Variants in ZNF865 observed in about 807,000 individuals in gnomAD.
ZNF865 encodes the protein zinc finger protein 865.
For synonymous variants in ZNF865, 763 were observed against 750.8 expected, an observed-to-expected ratio of 1.02 and a Z score of -0.27; for missense variants, 1,311 against 1,593.4, an observed-to-expected ratio of 0.82 and a Z score of 3.02.
intron 1 of ZNF865, among the ~76,000 whole-genome samples, chr19:55,613,313 G>A (rs1326074851): frequency 6.6e-6 from 1 of 152,130 alleles, no homozygotes; most frequent in African/African-American, 2.4e-5. Flanking sequence ...AGAAAAGATG[G>A]GGAGAGATGG....
Position 55,616,696 on chromosome 19 carries a change from C to T in ZNF865, c.3078C>T (p.Phe1026=), listed in dbSNP as rs981201490. The T allele has an allele frequency of 2.6e-6, 4 of 1,529,146 alleles. No individual in the cohort carries two copies. The highest frequency in any genetic ancestry group is 3.5e-6 in the Non-Finnish European group (4 of 1,144,006). The allele number at this position is 1,529,146 out of a possible 1,614,324, so 94.7% of individuals were successfully genotyped here. A position where few individuals can be genotyped will look rare whatever the true frequency, so the allele number is the denominator to read the frequency against. The change falls in exon 2 of 2, where the codon TTC becomes TTT. Residue 1026 remains phenylalanine, a synonymous_variant. Coordinates refer to ENST00000568956, the MANE Select transcript of ZNF865 (RefSeq NM_001195605.2). The part of the protein sequence containing the change: ...PFRCSSCGEG[F]ANTYGLKKHR... ...GCTGCTCCTCCTGCGGCGAGGGCTTCGCCAACACCTACGGCCTCAAGAAAC... is the reference window on the plus strand; with the variant it reads ...GCTGCTCCTCCTGCGGCGAGGGCTTTGCCAACACCTACGGCCTCAAGAAAC...
In ZNF865 at chr19:55,613,649, G is replaced by A. The variant is rs1384102577; in HGVS notation, c.31G>A (p.Gly11Arg). 2 of 1,525,606 alleles carry A rather than the reference G, an allele frequency of 1.3e-6. No homozygotes were observed. Among genetic ancestry groups the A allele is most frequent in the Non-Finnish European group, 1.8e-6 (2 of 1,141,906 alleles). The allele number at this position is 1,525,606 out of a possible 1,614,324, so 94.5% of individuals were successfully genotyped here. A position where few individuals can be genotyped will look rare whatever the true frequency, so the allele number is the denominator to read the frequency against. The change falls in exon 2 of 2, where the codon GGG (glycine) becomes AGG (arginine). Residue 11 changes from glycine to arginine, a missense_variant. Physicochemically the swap from Gly to Arg is moderately radical, Grantham distance 125. Transcript: ENST00000568956. Reference protein sequence around the residue: MEANPAGSGAGGGGSSGIGGE... With the variant: MEANPAGSGARGGGSSGIGGE... ...GGCGAACCCAGCGGGCAGCGGCGCC[G>A]GGGGTGGCGGGAGCAGCGGCATCGG...
At position 55,611,364 on chromosome 19, in the gene ZNF865, A is replaced by C. The variant is rs933269882; in HGVS notation, c.-26-2229A>C. 5.3e-5 allele frequency among the ~76,000 whole-genome samples: 8 copies of C among 151,908 alleles called. No individual in the cohort carries two copies. Among genetic ancestry groups the C allele is most frequent in the African/African-American group, 1.9e-4 (8 of 41,330 alleles). On this transcript the variant is annotated intron_variant, in intron 1 of 1. Transcript: ENST00000568956. This position sits in a 1 kb window ranked among gnomAD's most constrained non-coding sequence, Gnocchi z 4.5. ...TGCCCTCCCTCCCCATAGCGCCCTA[A>C]ATCACCCCCTATTCCCTGCATCCTT...
intron 1 of ZNF865, among the ~76,000 whole-genome samples, chr19:55,609,799 G>GGGGT (rs897236280): frequency 6.6e-6 from 1 of 152,186 alleles, no homozygotes; most frequent in African/African-American, 2.4e-5. Flanking sequence ...TGGTGGTGGA[G>GGGGT]GGGTGGGTCC....
At position 55,615,541 on chromosome 19, in the gene ZNF865, C is replaced by T; in HGVS notation, c.1923C>T (p.Gly641=). 1 of 1,508,850 alleles carries T rather than the reference C, an allele frequency of 6.6e-7. No homozygotes were observed. The highest frequency in any genetic ancestry group is 8.8e-7 in the Non-Finnish European group (1 of 1,134,744). The allele number at this position is 1,508,850 out of a possible 1,614,324, so 93.5% of individuals were successfully genotyped here. A position where few individuals can be genotyped will look rare whatever the true frequency, so the allele number is the denominator to read the frequency against. Residue 641 remains glycine, a synonymous_variant, in exon 2 of 2, where the codon GGC becomes GGT. Transcript: ENST00000568956. ...QLPCALAGAA[G]LPSTQGTPGA... Reference sequence around the variant, plus strand: ...CCTGCGCCCTGGCCGGGGCAGCCGGCCTCCCCTCCACCCAAGGCACACCGG... The same window carrying T: ...CCTGCGCCCTGGCCGGGGCAGCCGGTCTCCCCTCCACCCAAGGCACACCGG...
Position 55,616,705 on chromosome 19 carries a change from C to G in ZNF865, c.3087C>G (p.Thr1029=), listed in dbSNP as rs1981373175. The G allele has an allele frequency of 2.0e-6, 3 of 1,526,100 alleles. No individual in the cohort carries two copies. Among genetic ancestry groups the G allele is most frequent in the Non-Finnish European group, 2.6e-6 (3 of 1,142,386 alleles). The allele number at this position is 1,526,100 out of a possible 1,614,324, so 94.5% of individuals were successfully genotyped here. The change falls in exon 2 of 2, where the codon ACC becomes ACG. Residue 1029 remains threonine (T), a synonymous_variant. Transcript: ENST00000568956. ...CSSCGEGFAN[T]YGLKKHRLAH... ...CCTGCGGCGAGGGCTTCGCCAACAC[C>G]TACGGCCTCAAGAAACACCGCCTGG...
At position 55,614,540 on chromosome 19, in the gene ZNF865, G is replaced by A. The variant is rs1981273002; in HGVS notation, c.922G>A (p.Ala308Thr). The A allele has an allele frequency of 2.9e-6, 4 of 1,369,660 alleles. No individual in the cohort carries two copies. Among genetic ancestry groups the A allele is most frequent in the South Asian group, 1.5e-5 (1 of 64,742 alleles). The allele number at this position is 1,369,660 out of a possible 1,614,324, so 84.8% of individuals were successfully genotyped here. A position where few individuals can be genotyped will look rare whatever the true frequency, so the allele number is the denominator to read the frequency against. Reference protein sequence around the residue: ...APAASAATAAAPSTVSSGPPA... With the variant: ...APAASAATAATPSTVSSGPPA... The stretch of plus-strand genomic sequence containing the variant: ...CGCTGCCAGCGCCGCCACCGCCGCC[G>A]CCCCCTCCACGGTGTCCTCGGGCCC... Residue 308 changes from alanine (A) to threonine (T), a missense_variant, in exon 2 of 2, where the codon GCC becomes ACC. Ala to Thr is a moderately conservative substitution (Grantham distance 58). Transcript: ENST00000568956. The surrounding 1 kb of genome is among the most constrained non-coding windows in gnomAD (Gnocchi z 8.0).
chr19:55,610,135 C>A (rs1045986151), intron 1 of ZNF865, among the ~76,000 whole-genome samples: 1 of 152,180 alleles, frequency 6.6e-6, no homozygotes, highest in African/African-American at 2.4e-5. Context: ...TTGTTCATTC[C>A]ACAAATACCA....
At chr19:55,612,275 C>T (rs536904008) in intron 1 of ZNF865, among the ~76,000 whole-genome samples, 2 of 152,292 alleles carry the variant, frequency 1.3e-5, no homozygotes, top group African/African-American at 4.8e-5. Flanking sequence ...CAGGTCTGTC[C>T]AAGCCCAGGG....
chr19:55,607,415 C>T (rs1307833946), intron 1 of ZNF865, among the ~76,000 whole-genome samples: 6 of 118,098 alleles, frequency 5.1e-5, no homozygotes, highest in African/African-American at 2.0e-4. Flanking sequence ...ACCTCGGCAA[C>T]ATAGTGAGAC....
chr19:55,615,043 C>CG lies in ZNF865; in HGVS notation c.1429dup (p.Ala477GlyfsTer93). 7.8e-7 allele frequency: 1 copy of CG among 1,277,716 alleles called. No homozygotes were observed. The highest frequency in any genetic ancestry group is 9.9e-7 in the Non-Finnish European group (1 of 1,012,852). 79.1% of individuals were successfully genotyped at this position (1,277,716 alleles called of 1,614,324 possible). On this transcript the variant is annotated frameshift_variant, in exon 2 of 2. Coordinates refer to ENST00000568956, the MANE Select transcript of ZNF865 (RefSeq NM_001195605.2). LOFTEE classifies it low-confidence loss of function (END_TRUNC). ...CTGCCGCTGCGGAGGCGCCCAAGGA[C>CG]GGGGCGGCCTCGGCCCCGCAGCCCC...
intron 1 of ZNF865, among the ~76,000 whole-genome samples, chr19:55,609,551 A>G (rs1406984352): frequency 6.6e-6 from 1 of 152,226 alleles, no homozygotes; most frequent in African/African-American, 2.4e-5. Flanking sequence ...TTGCAGCAGA[A>G]CGGCCCACAG....
rs1315868714 is a variant in ZNF865, at chr19:55,615,211, C to T, written c.1593C>T (p.Gly531=). 2 of 1,451,972 alleles carry T rather than the reference C, an allele frequency of 1.4e-6. No individual in the cohort carries two copies. Among genetic ancestry groups the T allele is most frequent in the South Asian group, 1.4e-5 (1 of 72,230 alleles). The allele number at this position is 1,451,972 out of a possible 1,614,324, so 89.9% of individuals were successfully genotyped here. Residue 531 remains glycine, a synonymous_variant, in exon 2 of 2, where the codon GGC becomes GGT. Coordinates refer to ENST00000568956, the MANE Select transcript of ZNF865 (RefSeq NM_001195605.2). ...PLLGAHPLLL[G]GAGTSGAGGS... is the part of the protein sequence containing the mutation. ...TGGGCGCCCACCCGCTGCTGCTCGG[C>T]GGCGCGGGGACCAGCGGGGCGGGAG...
intron 1 of ZNF865, among the ~76,000 whole-genome samples, chr19:55,610,344 T>G (rs1240486671): frequency 1.3e-5 from 2 of 152,206 alleles, no homozygotes; most frequent in Non-Finnish European, 2.9e-5. Flanking sequence ...CACTGCAACC[T>G]CCACCTCCCG....
At chr19:55,608,293 G>A (rs987551273) in intron 1 of ZNF865, among the ~76,000 whole-genome samples, 15 of 151,472 alleles carry the variant, frequency 9.9e-5, no homozygotes, top group Non-Finnish European at 1.9e-4. Context: ...GACTGTGGAG[G>A]TCATTGTAAG....
Position 55,616,185 on chromosome 19 carries a change from G to T in ZNF865, c.2567G>T (p.Arg856Leu), listed in dbSNP as rs1207938809. The T allele has an allele frequency of 1.3e-6, 2 of 1,519,500 alleles. No individual in the cohort carries two copies. Among genetic ancestry groups the T allele is most frequent in the African/African-American group, 2.8e-5 (2 of 71,858 alleles). The allele number at this position is 1,519,500 out of a possible 1,614,324, so 94.1% of individuals were successfully genotyped here. The change falls in exon 2 of 2, where the codon CGC (arginine) becomes CTC (leucine). Residue 856 changes from arginine (R) to leucine (L), a missense_variant. Arg to Leu is a moderately radical substitution (Grantham distance 102, BLOSUM62 -2). Coordinates refer to ENST00000568956, the MANE Select transcript of ZNF865 (RefSeq NM_001195605.2). ...TTCCGCTGCCCGGTGTGCGGGAAGC[G>T]CTTCTGGGAGGCGGCCCTGCTGATG... ...RGFRCPVCGK[R>L]FWEAALLMRH...
At position 55,615,083 on chromosome 19, in the gene ZNF865, C is replaced by T; in HGVS notation, c.1465C>T (p.Pro489Ser). ...CCCGCAGCCCCCGCCCACCTTCCCC[C>T]CGGGCCCGTACCTCCTGCCCCCCGA... ...SAPQPPPTFP[P>S]GPYLLPPDPP... The change falls in exon 2 of 2, where the codon CCG (proline) becomes TCG (serine). Residue 489 changes from proline to serine, a missense_variant. Transcript: ENST00000568956. The T allele has an allele frequency of 8.3e-7, 1 of 1,210,448 alleles. No individual in the cohort carries two copies. The highest frequency in any genetic ancestry group is 2.6e-5 in the South Asian group (1 of 37,814). 75.0% of individuals were successfully genotyped at this position (1,210,448 alleles called of 1,614,324 possible). A position where few individuals can be genotyped will look rare whatever the true frequency, so the allele number is the denominator to read the frequency against.
chr19:55,611,391 T>C lies in ZNF865; in HGVS notation c.-26-2202T>C, dbSNP rs1981129278. Among the ~76,000 whole-genome samples the C allele has an allele frequency of 6.6e-6, 1 of 152,122 alleles. No homozygotes were observed. The highest frequency in any genetic ancestry group is 2.1e-4 in the South Asian group (1 of 4,832). On this transcript the variant is annotated intron_variant, in intron 1 of 1. Coordinates refer to ENST00000568956, the MANE Select transcript of ZNF865 (RefSeq NM_001195605.2). The surrounding 1 kb of genome is among the most constrained non-coding windows in gnomAD (Gnocchi z 4.5). ...TCACCCCCTATTCCCTGCATCCTTA[T>C]GGCCTGTGTTTGCCTCCCTGGCCAG...
Position 55,615,256 on chromosome 19 carries a change from A to G in ZNF865, c.1638A>G (p.Pro546=), listed in dbSNP as rs780161818. The part of the protein sequence containing the change: ...SGAGGSGASV[P]GKTFCCGICG... The stretch of plus-strand genomic sequence containing the variant: ...CGGGAGGCTCGGGCGCCAGCGTCCC[A>G]GGAAAGACGTTCTGCTGCGGCATCT... The change falls in exon 2 of 2, where the codon CCA becomes CCG. Residue 546 remains proline, a synonymous_variant. Transcript: ENST00000568956. The G allele has an allele frequency of 9.2e-6, 14 of 1,519,614 alleles. 1 individual carries two copies. The South Asian group carries it at 1.1e-4, about 12-fold the overall frequency. 94.1% of individuals were successfully genotyped at this position (1,519,614 alleles called of 1,614,324 possible).
Sources: gnomAD v4.1 joint callset for allele counts (sites outside exome capture counted in the v4.1 genomes callset) on GRCh38, gnomAD v4.1.1 for gene constraint, Gnocchi (gnomAD v3.1) non-coding constraint, MANE v1.5 for transcripts, NCBI Gene and HGNC (gene_info 2026-07-23, HGNC 2026-07-21) for gene names.